The following PVALEF variants were observed in gnomAD, a reference collection of about 807,000 sequenced individuals.
PVALEF encodes parvalbumin-like EF-hand-containing protein.
A neutral mutation model predicts 1.2 loss-of-function variants in PVALEF; 2 were observed. The ratio of observed to expected loss-of-function variants is 1.68; its 90% CI spans 0.69 to 5.28. The LOEUF (loss-of-function observed/expected upper bound fraction) is 5.28. Ranked by LOEUF, PVALEF falls within the 30% of genes most tolerant of loss-of-function variation. The pLI, the probability that PVALEF is intolerant of heterozygous loss-of-function variation, is 0.06. For synonymous variants in PVALEF, 16 were observed against 6.5 expected (o/e 2.47, Z -2.24); for missense variants, 35 against 17.7 (o/e 1.97, Z -1.75).
At chr17:81,177,116 AG>A (rs1327836861) in intron 2 of PVALEF, among the ~76,000 whole-genome samples, 1 of 150,806 alleles carries the variant, frequency 6.6e-6, no homozygotes, top group Non-Finnish European at 1.5e-5. Context: ...TAGTAGAGAC[AG>A]GGTTTCACCA....
chr17:81,177,341 A>G (rs994707540), intron 2 of PVALEF, among the ~76,000 whole-genome samples: 11 of 151,192 alleles, frequency 7.3e-5, no homozygotes, highest in African/African-American at 1.2e-4. Flanking sequence ...TGAGGTCAGG[A>G]GTTCAAGACC....
At chr17:81,170,488 C>T (rs1029490606) in intron 2 of PVALEF, among the ~76,000 whole-genome samples, 1 of 152,024 alleles carries the variant, frequency 6.6e-6, no homozygotes. Flanking sequence ...ACTGAGGTCC[C>T]AATTCACAGG....
At chr17:81,168,019 C>T (rs555159329) in intron 2 of PVALEF, among the ~76,000 whole-genome samples, 18 of 152,218 alleles carry the variant, frequency 1.2e-4, no homozygotes, top group African/African-American at 4.3e-4. Flanking sequence ...TATGGCATAC[C>T]CTCATGAGTC....
At chr17:81,175,636 T>A (rs767940865) in intron 2 of PVALEF, among the ~76,000 whole-genome samples, 1 of 152,120 alleles carries the variant, frequency 6.6e-6, no homozygotes, top group Non-Finnish European at 1.5e-5. Flanking sequence ...AACCTTCACA[T>A]AATATGGTCA....
At chr17:81,182,229 G>A in intron 6 of PVALEF, 148 bp downstream of exon 6, 1 of 396,198 alleles carries the variant, frequency 2.5e-6, no homozygotes, top group Middle Eastern at 6.3e-4. Flanking sequence ...GAGTCTAGGT[G>A]CTCTTCCCTG....
chr17:81,171,704 G>C (rs2061521317), intron 2 of PVALEF, among the ~76,000 whole-genome samples: 1 of 152,208 alleles, frequency 6.6e-6, no homozygotes, highest in East Asian at 1.9e-4. Flanking sequence ...GTGTTAGCCA[G>C]GATGGTCTCG....
Position 81,181,662 on chromosome 17 carries a change from CAA to C in PVALEF, c.211_212del (p.Lys71GlufsTer5), listed in dbSNP as rs1195333031. On this transcript the variant is annotated frameshift_variant, in exon 5 of 7. Transcript: ENST00000637878. LOFTEE classifies it high-confidence loss of function. ...HTAFQSLDKD[K>X]SGFIEWNEIK... ...CGGCCTTCCAGTCCCTGGACAAGGA[CAA>C]GAGTGGCTTCATTGAGTGGAACGAG... 7.4e-6 allele frequency: 3 copies of C among 407,926 alleles called. No individual in the cohort carries two copies. The East Asian group carries it at 1.1e-4, about 14-fold the overall frequency. The allele number at this position is 407,926 out of a possible 1,614,324, so 25.3% of individuals were successfully genotyped here.
At chr17:81,177,199 T>C (rs1244640526) in intron 2 of PVALEF, among the ~76,000 whole-genome samples, 1 of 139,376 alleles carries the variant, frequency 7.2e-6, no homozygotes, top group Non-Finnish European at 1.5e-5. Flanking sequence ...AGTGCTGGGA[T>C]TGCAGGCATG....
chr17:81,175,919 GACA>G (rs2061534625), intron 2 of PVALEF, among the ~76,000 whole-genome samples: 1 of 152,152 alleles, frequency 6.6e-6, no homozygotes, highest in African/African-American at 2.4e-5. Flanking sequence ...GAAAAAAATG[GACA>G]ACTTTGATTT....
chr17:81,166,245 C>T (rs1197876020), intron 1 of PVALEF, among the ~76,000 whole-genome samples: 3 of 86,450 alleles, frequency 3.5e-5, no homozygotes, highest in Non-Finnish European at 7.3e-5. Context: ...GGAGCGCGCG[C>T]GGAGCGGCGC....
At chr17:81,170,357 GTGTC>G (rs1043944039) in intron 2 of PVALEF, among the ~76,000 whole-genome samples, 3 of 151,848 alleles carry the variant, frequency 2.0e-5, no homozygotes, top group Admixed American at 6.6e-5. Context: ...AGGTGCGTGT[GTGTC>G]TGTGCGTGTG....
chr17:81,176,271 C>T (rs933835447), intron 2 of PVALEF, among the ~76,000 whole-genome samples: 5 of 152,190 alleles, frequency 3.3e-5, no homozygotes, highest in Admixed American at 6.5e-5. Flanking sequence ...GTAATCCCAG[C>T]GCTTTGGGAG....
chr17:81,165,830 CG>C, intron 1 of PVALEF, 83 bp downstream of exon 1: 1 of 1,509,418 alleles, frequency 6.6e-7, no homozygotes, highest in Non-Finnish European at 8.9e-7. Flanking sequence ...GGGCTCGGGG[CG>C]GGGAAAGGGT....
chr17:81,168,271 C>T (rs1410920992), intron 2 of PVALEF, among the ~76,000 whole-genome samples: 1 of 152,180 alleles, frequency 6.6e-6, no homozygotes, highest in Non-Finnish European at 1.5e-5. Context: ...GCTGGCTCCT[C>T]TCAGTTTTGC....
chr17:81,175,422 A>G (rs556718870), intron 2 of PVALEF, among the ~76,000 whole-genome samples: 21 of 152,316 alleles, frequency 1.4e-4, no homozygotes, highest in African/African-American at 5.1e-4. Context: ...CTTTTGCAGA[A>G]ATAGGAAGCC....
Position 81,179,982 on chromosome 17 carries a change from G to A in PVALEF, c.-105+830G>A, listed in dbSNP as rs370976338. ...AGGGCCCAAGGACAGCTTGTGTGGC[G>A]TCCCGCAGCCTCCCCCGGCCGGACA... On this transcript the variant is annotated intron_variant, in intron 3 of 6. Coordinates refer to ENST00000637878, the MANE Select transcript of PVALEF (RefSeq NM_001354639.2). Among the ~76,000 whole-genome samples the A allele has an allele frequency of 2.0e-4, 30 of 152,266 alleles. No individual in the cohort carries two copies. In the South Asian group the frequency reaches 5.4e-3, roughly 27 times the overall value.
rs533240749 is a variant in PVALEF, at chr17:81,176,427, G to A, written c.-339-2491G>A. ...CCAGCTACTCAGGAGGCTGAGGCAC[G>A]AGAATCATTGAACCCAGAAAGCAGA... On this transcript the variant is annotated intron_variant, in intron 2 of 6. Coordinates refer to ENST00000637878, the MANE Select transcript of PVALEF (RefSeq NM_001354639.2). Among the ~76,000 whole-genome samples, 147 of 152,252 alleles carry A rather than the reference G, an allele frequency of 9.7e-4. 2 individuals carry two copies. The South Asian group carries it at 0.028, about 29-fold the overall frequency.
At chr17:81,167,596 C>T (rs1305211030) in intron 2 of PVALEF, among the ~76,000 whole-genome samples, 1 of 152,208 alleles carries the variant, frequency 6.6e-6, no homozygotes. Flanking sequence ...CCTTCTTTTC[C>T]TAAGGGGGTC....
intron 2 of PVALEF, among the ~76,000 whole-genome samples, chr17:81,176,629 C>T (rs979305194): frequency 3.3e-5 from 5 of 151,002 alleles, no homozygotes; most frequent in African/African-American, 9.7e-5. Context: ...TTGGTGAGGA[C>T]GTGGGGCTAT....
Sources: gnomAD v4.1 joint callset for allele counts (sites outside exome capture counted in the v4.1 genomes callset) on GRCh38, gnomAD v4.1.1 for gene constraint, MANE v1.5 for transcripts, NCBI Gene and HGNC (gene_info 2026-07-23, HGNC 2026-07-21) for gene names.